The following LRBA variants were observed in gnomAD, a reference collection of about 807,000 sequenced individuals.
The protein encoded by LRBA is lipopolysaccharide-responsive and beige-like anchor protein.
LRBA carries 176 observed loss-of-function variants against 330.0 expected under a neutral mutation model. The observed-to-expected ratio is 0.53, with a 90% CI of 0.47 to 0.60. LRBA has a LOEUF of 0.60. LRBA is among the 20% of genes least tolerant of loss of function. The pLI is 0.00. For missense variants in LRBA, 3,259 were observed against 3,444.8 expected (o/e 0.95, Z 1.35); for synonymous variants, 1,230 against 1,193.0 (o/e 1.03, Z -0.64).
chr4:150,661,231 G>A (rs1781056604), intron 37 of LRBA, among the ~76,000 whole-genome samples: 1 of 151,864 alleles, frequency 6.6e-6, no homozygotes, highest in Non-Finnish European at 1.5e-5. Flanking sequence ...AGCAATTTGG[G>A]AGGCTGAGGC....
intron 2 of LRBA, among the ~76,000 whole-genome samples, chr4:150,949,760 A>C (rs572236814): frequency 8.9e-5 from 1 of 11,248 alleles, no homozygotes; most frequent in East Asian, 0.062. Context: ...TTAAGCGGCA[A>C]GGAAACTCGT....
chr4:150,278,983 C>G (rs912739649), intron 55 of LRBA, among the ~76,000 whole-genome samples: 1 of 152,114 alleles, frequency 6.6e-6, no homozygotes, highest in African/African-American at 2.4e-5. Flanking sequence ...CACCACAACA[C>G]CCGTCTAACT....
intron 56 of LRBA, among the ~76,000 whole-genome samples, chr4:150,275,842 G>T (rs1185351030): frequency 1.3e-5 from 2 of 152,170 alleles, no homozygotes; most frequent in African/African-American, 4.8e-5. Flanking sequence ...TGTGAAAATG[G>T]TCATACTGCC....
At chr4:150,458,650 G>T (rs978950051) in intron 44 of LRBA, among the ~76,000 whole-genome samples, 2 of 151,680 alleles carry the variant, frequency 1.3e-5, no homozygotes, top group African/African-American at 4.8e-5. Flanking sequence ...CCTTTTAGAA[G>T]ATATCTGCAT....
At chr4:150,437,492 A>ACTCT (rs56695742) in intron 44 of LRBA, among the ~76,000 whole-genome samples, 4,259 of 147,858 alleles carry the variant, frequency 0.029, 113 homozygotes, top group East Asian at 0.14. Flanking sequence ...GCCGGCATGA[A>ACTCT]CTCTCTCTCT....
intron 36 of LRBA, among the ~76,000 whole-genome samples, chr4:150,689,300 G>T (rs1001731755): frequency 3.3e-5 from 5 of 151,938 alleles, no homozygotes; most frequent in African/African-American, 1.2e-4. Context: ...CATACACCGG[G>T]GCCTGTATGG....
rs568852498 is a variant in LRBA at position 150,449,560 on chromosome 4, T to C, written c.6781-12696A>G. Among the ~76,000 whole-genome samples the C allele has an allele frequency of 1.6e-3, 230 of 147,360 alleles. 1 individual carries two copies. The highest frequency in any genetic ancestry group is 5.4e-3 in the African/African-American group (216 of 40,190). ...AAAACCAGAAAAGTACATAAAAAAA[T>C]GCCTCTGTGGCACAGGCATAGAGGG... On this transcript the variant is annotated intron_variant, in intron 44 of 56. Coordinates refer to ENST00000651943, the MANE Select transcript of LRBA (RefSeq NM_001364905.1).
In LRBA at chr4:150,563,880, AAGG is replaced by A. The variant is rs558869344; in HGVS notation, c.6330+24165_6330+24167del. 2.8e-4 allele frequency among the ~76,000 whole-genome samples: 43 copies of A among 152,318 alleles called. 1 individual carries two copies. The highest frequency in any genetic ancestry group is 4.6e-4 in the Non-Finnish European group (31 of 68,032). The stretch of plus-strand genomic sequence containing the variant: ...GTACAAATCACTGTTCAGTGAAATA[AAGG>A]AGGACACAAACAAATGGAAGAACAT... On this transcript the variant is annotated intron_variant, in intron 40 of 56. Transcript: ENST00000651943.
intron 34 of LRBA, among the ~76,000 whole-genome samples, chr4:150,765,879 G>C (rs898659069): frequency 1.3e-5 from 2 of 152,042 alleles, no homozygotes; most frequent in African/African-American, 4.8e-5. Flanking sequence ...ATTGGGGTTA[G>C]ACTGAAAACC....
chr4:150,802,567 T>C (rs1367167156), intron 33 of LRBA, among the ~76,000 whole-genome samples: 2 of 152,112 alleles, frequency 1.3e-5, no homozygotes, highest in African/African-American at 2.4e-5. Flanking sequence ...AAAATCTCTT[T>C]AGAAAAATTA....
At chr4:150,563,039 A>C (rs1048445528) in intron 40 of LRBA, among the ~76,000 whole-genome samples, 1 of 152,132 alleles carries the variant, frequency 6.6e-6, no homozygotes, top group African/African-American at 2.4e-5. Flanking sequence ...TCAAGTGATT[A>C]TACCAACTCA....
chr4:150,503,305 G>C (rs1339905933), intron 40 of LRBA, among the ~76,000 whole-genome samples: 1 of 152,210 alleles, frequency 6.6e-6, no homozygotes, highest in Non-Finnish European at 1.5e-5. Context: ...GCACCCCCCA[G>C]TAGGGGCGGA....
chr4:150,656,485 T>C lies in LRBA; in HGVS notation c.5921+27066A>G, dbSNP rs192877687. On this transcript the variant is annotated intron_variant, in intron 37 of 56. Transcript: ENST00000651943. Reference sequence around the variant, plus strand: ...GTCTTCAAAGTTTACTACTTTGCCATACTAACACAGTTGGCGTAAACTGTC... The same window carrying C: ...GTCTTCAAAGTTTACTACTTTGCCACACTAACACAGTTGGCGTAAACTGTC... Among the ~76,000 whole-genome samples, 19 of 152,314 alleles carry C rather than the reference T, an allele frequency of 1.2e-4. No homozygotes were observed. The East Asian group carries it at 3.7e-3, about 29-fold the overall frequency.
At chr4:150,889,481 C>T (rs945321880) in intron 17 of LRBA, among the ~76,000 whole-genome samples, 2 of 152,234 alleles carry the variant, frequency 1.3e-5, no homozygotes, top group South Asian at 4.1e-4. Flanking sequence ...AACCAGGCCA[C>T]ACAGCAGGCG....
At chr4:150,751,143 A>G (rs1733480392) in intron 35 of LRBA, among the ~76,000 whole-genome samples, 2 of 152,138 alleles carry the variant, frequency 1.3e-5, no homozygotes, top group Admixed American at 1.3e-4. Context: ...TAAGTTTGAA[A>G]TATTTTTGCT....
intron 40 of LRBA, among the ~76,000 whole-genome samples, chr4:150,518,126 A>G (rs549384063): frequency 6.6e-6 from 1 of 152,320 alleles, no homozygotes; most frequent in Admixed American, 6.5e-5. Flanking sequence ...GCTTCTCTTT[A>G]GCATATCTCA....
At chr4:150,944,085 G>A (rs985293379) in intron 2 of LRBA, among the ~76,000 whole-genome samples, 1 of 152,148 alleles carries the variant, frequency 6.6e-6, no homozygotes, top group Non-Finnish European at 1.5e-5. Flanking sequence ...TACAGCTCCA[G>A]CCAACATTTT....
intron 40 of LRBA, among the ~76,000 whole-genome samples, chr4:150,536,304 CTA>C (rs1169710218): frequency 6.6e-6 from 1 of 152,120 alleles, no homozygotes. Context: ...ATATTAAGGA[CTA>C]TTATTAATAA....
intron 40 of LRBA, among the ~76,000 whole-genome samples, chr4:150,559,658 T>TATATATATTA (rs1561350813): frequency 9.0e-4 from 22 of 24,338 alleles, no homozygotes; most frequent in East Asian, 2.7e-3. Flanking sequence ...TAATATATAA[T>TATATATATTA]TATAATATAT....
Sources: allele counts gnomAD v4.1 joint callset (sites outside exome capture counted in the v4.1 genomes callset), GRCh38; gene constraint gnomAD v4.1.1; transcripts MANE v1.5; gene names NCBI Gene and HGNC (gene_info 2026-07-23, HGNC 2026-07-21).